Variants in SSC4D observed in about 807,000 individuals in gnomAD.
The protein encoded by SSC4D is scavenger receptor cysteine rich family member with 4 domains, also known as scavenger receptor cysteine-rich domain-containing group B protein.
A neutral mutation model predicts 63.4 loss-of-function variants in SSC4D; 57 were observed. That is an observed-to-expected ratio of 0.90 (90% CI 0.73 to 1.12). The LOEUF (loss-of-function observed/expected upper bound fraction) is 1.12, where lower values mean the gene tolerates loss of function less well. Among genes scored for constraint, SSC4D ranks in the 50% most tolerant of loss-of-function variants. The probability of loss-of-function intolerance (pLI) is 0.00; values close to 1 mark genes in which losing one functional copy is unlikely to be tolerated. For synonymous variants in SSC4D, 352 were observed against 345.4 expected, an observed-to-expected ratio of 1.02 and a Z score of -0.21; for missense variants, 791 against 806.4, an observed-to-expected ratio of 0.98 and a Z score of 0.23.
At position 76,390,384 on chromosome 7, in the gene SSC4D, G is replaced by A. The variant is rs1804470369; in HGVS notation, c.1412-9C>T. The A allele has an allele frequency of 1.3e-6, 2 of 1,566,728 alleles. No homozygotes were observed. Among genetic ancestry groups the A allele is most frequent in the East Asian group, 2.2e-5 (1 of 44,498 alleles). On this transcript the variant is annotated splice_polypyrimidine_tract_variant and intron_variant, in intron 10 of 10. Transcript: ENST00000275560. ...GACCAGACGTAGATGCCCTGTGGGG[G>A]GACAGGGCTGGGTTGGAAGGGGCTG...
rs549763773 is a variant in SSC4D, at chr7:76,392,129, G to C, written c.1334-88C>G. 2.9e-5 allele frequency: 39 copies of C among 1,364,362 alleles called. No homozygotes were observed. The South Asian group carries it at 4.7e-4, about 17-fold the overall frequency. 84.5% of individuals were successfully genotyped at this position (1,364,362 alleles called of 1,614,324 possible). A position where few individuals can be genotyped will look rare whatever the true frequency, so the allele number is the denominator to read the frequency against. ...CCAGGTCCCCTCCTGCTCTCCCCAG[G>C]AAAGCCTGTCCTAGGGACAAAAAGG... On this transcript the variant is annotated intron_variant, in intron 9 of 10. Coordinates refer to ENST00000275560, the MANE Select transcript of SSC4D (RefSeq NM_080744.2).
At position 76,397,685 on chromosome 7, in the gene SSC4D, G is replaced by T; in HGVS notation, c.701C>A (p.Ala234Glu). The change falls in exon 6 of 11, where the codon GCG (alanine) becomes GAG (glutamate). Residue 234 changes from alanine to glutamate, a missense_variant. Ala to Glu is a moderately radical substitution (Grantham distance 107). Coordinates refer to ENST00000275560, the MANE Select transcript of SSC4D (RefSeq NM_080744.2). ...GGCGTTGGTGGTGGCGGCCATGGCC[G>T]CCCCGCAGCCCAGCTGACGACAGAC... Reference protein sequence around the residue: ...AVVCRQLGCGAAMAATTNAFF... With the variant: ...AVVCRQLGCGEAMAATTNAFF... 6.2e-7 allele frequency: 1 copy of T among 1,613,274 alleles called. No homozygotes were observed. The highest frequency in any genetic ancestry group is 1.7e-5 in the Admixed American group (1 of 60,006).
intron 9 of SSC4D, among the ~76,000 whole-genome samples, chr7:76,393,071 G>A (rs891264202): frequency 6.6e-6 from 1 of 152,214 alleles, no homozygotes; most frequent in Non-Finnish European, 1.5e-5. Context: ...AGATTTAGCC[G>A]GGAGCAAACG....
At chr7:76,398,309 ATTT>A (rs575917641) in intron 5 of SSC4D, among the ~76,000 whole-genome samples, 26,373 of 126,814 alleles carry the variant, frequency 0.21, 2,124 homozygotes, top group South Asian at 0.25. Flanking sequence ...TTCATTTTCT[ATTT>A]TTTTTTTTTT....
chr7:76,392,663 C>T (rs1378636794), intron 9 of SSC4D, among the ~76,000 whole-genome samples: 2 of 151,884 alleles, frequency 1.3e-5, no homozygotes, highest in Non-Finnish European at 2.9e-5. Flanking sequence ...CGGTGGCATG[C>T]CCCTTGTGGT....
chr7:76,396,141 A>G (rs138155958), intron 6 of SSC4D, among the ~76,000 whole-genome samples: 5 of 152,286 alleles, frequency 3.3e-5, no homozygotes, highest in African/African-American at 7.2e-5. Context: ...CAAAAAAACA[A>G]CTAATCTCTT....
At position 76,400,482 on chromosome 7, in the gene SSC4D, G is replaced by A. The variant is rs368490025; in HGVS notation, c.279C>T (p.Asn93=). The A allele has an allele frequency of 3.0e-5, 48 of 1,606,518 alleles. No homozygotes were observed. The highest frequency in any genetic ancestry group is 2.0e-4 in the Admixed American group (12 of 59,316). The change falls in exon 4 of 11, where the codon AAC becomes AAT. Residue 93 remains asparagine (N), a synonymous_variant. Coordinates refer to ENST00000275560, the MANE Select transcript of SSC4D (RefSeq NM_080744.2). ...CACAGCCCAGCTGGCGACACACTAC[G>A]TTGGCGTCCACCACGTCCCAGTCGT... ...CDDDWDVVDA[N]VVCRQLGCGL...
chr7:76,401,350 C>T (rs1804823681), intron 2 of SSC4D, among the ~76,000 whole-genome samples: 1 of 152,198 alleles, frequency 6.6e-6, no homozygotes, highest in Non-Finnish European at 1.5e-5. Flanking sequence ...GGAGTCTCAG[C>T]TCCTGAGCTT....
At position 76,389,909 on chromosome 7, in the gene SSC4D, A is replaced by G. The variant is rs934996960; in HGVS notation, c.*150T>C. 28 of 989,350 alleles carry G rather than the reference A, an allele frequency of 2.8e-5. No homozygotes were observed. In the Admixed American group the frequency reaches 7.2e-4, roughly 25 times the overall value. 61.3% of individuals were successfully genotyped at this position (989,350 alleles called of 1,614,324 possible). A position where few individuals can be genotyped will look rare whatever the true frequency, so the allele number is the denominator to read the frequency against. On this transcript the variant is annotated 3_prime_UTR_variant, in exon 11 of 11. Coordinates refer to ENST00000275560, the MANE Select transcript of SSC4D (RefSeq NM_080744.2). ...GACGGGGGTACAGCCAGGCTCCCCC[A>G]AGCAGGACTGCACTGTCTAGGTAGG... is the stretch of plus-strand genomic sequence containing the variant.
chr7:76,404,899 A>G (rs55646977), intron 1 of SSC4D, among the ~76,000 whole-genome samples: 67,228 of 150,746 alleles, frequency 0.45, 15,259 homozygotes, highest in South Asian at 0.52. Context: ...GTGAAACCCC[A>G]TCTGTACCAA....
rs1476474460 is a variant in SSC4D, at chr7:76,401,049, A to G, written c.134-6T>C. 1 of 1,545,960 alleles carries G rather than the reference A, an allele frequency of 6.5e-7. No homozygotes were observed. The highest frequency in any genetic ancestry group is 1.2e-5 in the South Asian group (1 of 83,394). ...AGTGGGCTGTAGGGCGCTGGCTGAA[A>G]CAGAGTGAGGAAGAGCATTGGCCCC... On this transcript the variant is annotated splice_region_variant and splice_polypyrimidine_tract_variant and intron_variant, in intron 2 of 10. Transcript: ENST00000275560.
At chr7:76,404,681 A>G (rs1180097862) in intron 1 of SSC4D, among the ~76,000 whole-genome samples, 176 bp from the exon 2 acceptor site, 2 of 152,168 alleles carry the variant, frequency 1.3e-5, no homozygotes, top group Non-Finnish European at 2.9e-5. Context: ...CTGTAATCCC[A>G]GCACTTTGGG....
chr7:76,404,412 C>T lies in SSC4D; in HGVS notation c.28G>A (p.Gly10Ser), dbSNP rs755942207. ...CAGCGCTTCTCATCCAGCTGGGGAC[C>T]AATTAGCATCTCTGCTTCCTTGTGC... Reference protein sequence around the residue: MHKEAEMLIGPQLDEKRWGW... With the variant: MHKEAEMLISPQLDEKRWGW... The change falls in exon 2 of 11, where the codon GGT becomes AGT. Residue 10 changes from glycine (G) to serine (S), a missense_variant. Coordinates refer to ENST00000275560, the MANE Select transcript of SSC4D (RefSeq NM_080744.2). The T allele has an allele frequency of 1.9e-6, 3 of 1,613,960 alleles. No individual in the cohort carries two copies. In the Admixed American group the frequency reaches 5.0e-5, roughly 27 times the overall value.
chr7:76,392,320 G>A (rs555791172), intron 9 of SSC4D, among the ~76,000 whole-genome samples: 3 of 152,010 alleles, frequency 2.0e-5, no homozygotes, highest in South Asian at 2.1e-4. Context: ...AGGCCGAGGC[G>A]GGTGGATCAC....
Position 76,397,705 on chromosome 7 carries a change from A to C in SSC4D, c.681T>G (p.Cys227Trp). 6.2e-7 allele frequency: 1 copy of C among 1,613,430 alleles called. No homozygotes were observed. The highest frequency in any genetic ancestry group is 1.1e-5 in the South Asian group (1 of 91,078). ...DWGLPDAAVVCRQLGCGAAMA... is the reference protein window; with the variant it reads ...DWGLPDAAVVWRQLGCGAAMA... ...TGGCCGCCCCGCAGCCCAGCTGACG[A>C]CAGACCACAGCGGCATCCGGCAGCC... Residue 227 changes from cysteine (C) to tryptophan (W), a missense_variant, in exon 6 of 11, where the codon TGT becomes TGG. Cys to Trp is a radical substitution (Grantham distance 215). Coordinates refer to ENST00000275560, the MANE Select transcript of SSC4D (RefSeq NM_080744.2).
chr7:76,393,989 C>T, intron 7 of SSC4D, 85 bp from the exon 8 acceptor site: 1 of 1,378,492 alleles, frequency 7.3e-7, no homozygotes, highest in Non-Finnish European at 1.0e-6. Context: ...CCTACCAAGA[C>T]CCCCAACCCT....
In SSC4D at chr7:76,397,577, C is replaced by T. The variant is rs1277006558; in HGVS notation, c.809G>A (p.Ser270Asn). 1.9e-6 allele frequency: 3 copies of T among 1,609,174 alleles called. No homozygotes were observed. Among genetic ancestry groups the T allele is most frequent in the East Asian group, 2.2e-5 (1 of 44,738 alleles). The change falls in exon 6 of 11, where the codon AGC becomes AAC. Residue 270 changes from serine to asparagine, a missense_variant. Ser to Asn is a conservative substitution (Grantham distance 46). Coordinates refer to ENST00000275560, the MANE Select transcript of SSC4D (RefSeq NM_080744.2). ...GGEPRLAACQ[S>N]LGWGVHNCGH... is the part of the protein sequence containing the mutation. Reference sequence around the variant, plus strand: ...GCAGTTGTGCACACCCCAGCCCAGGCTCTGGCAGGCTGCCAGGCGGGGCTC... The same window carrying T: ...GCAGTTGTGCACACCCCAGCCCAGGTTCTGGCAGGCTGCCAGGCGGGGCTC...
At chr7:76,390,406 GC>G in intron 10 of SSC4D, 31 bp from the exon 11 acceptor site, 6 of 1,544,486 alleles carry the variant, frequency 3.9e-6, no homozygotes, top group Non-Finnish European at 5.2e-6. Flanking sequence ...GTTGGAAGGG[GC>G]TGGTCCATGC....
chr7:76,405,304 TATATATATA>T (rs1563686899), intron 1 of SSC4D, among the ~76,000 whole-genome samples: 71 of 60,414 alleles, frequency 1.2e-3, no homozygotes, highest in African/African-American at 5.0e-3. Flanking sequence ...TATATATATA[TATATATATA>T]TATGTATTTT....
Sources: allele counts gnomAD v4.1 joint callset (sites outside exome capture counted in the v4.1 genomes callset), GRCh38; gene constraint gnomAD v4.1.1; transcripts MANE v1.5; gene names NCBI Gene and HGNC (gene_info 2026-07-23, HGNC 2026-07-21).